SEPTIN10: variants seen among roughly 807,000 people sequenced by gnomAD.
SEPTIN10 encodes the protein septin-10.
In SEPTIN10, 66 loss-of-function variants were observed where a neutral mutation model predicts 54.8. The observed-to-expected ratio is 1.21, with a 90% CI of 0.99 to 1.48. The LOEUF is 1.48. Ranked by LOEUF, SEPTIN10 falls within the 40% of genes most tolerant of loss-of-function variation. The pLI, the probability that SEPTIN10 is intolerant of heterozygous loss-of-function variation, is 0.00. For synonymous variants in SEPTIN10, 161 were observed against 181.0 expected, an observed-to-expected ratio of 0.89 and a Z score of 0.89; for missense variants, 620 against 545.6, an observed-to-expected ratio of 1.14 and a Z score of -1.36.
intron 5 of SEPTIN10, among the ~76,000 whole-genome samples, chr2:109,570,245 T>C (rs941302625): frequency 6.6e-6 from 1 of 152,186 alleles, no homozygotes; most frequent in African/African-American, 2.4e-5. Context: ...TGACCATCTT[T>C]AAATGAGTGC....
chr2:109,559,952 GCT>G (rs1480933855), intron 8 of SEPTIN10, among the ~76,000 whole-genome samples: 1 of 125,412 alleles, frequency 8.0e-6, no homozygotes, highest in Non-Finnish European at 1.6e-5. Flanking sequence ...ATGGGGTCTC[GCT>G]CTGTCACCCA....
At chr2:109,607,279 G>C (rs562680291) in intron 1 of SEPTIN10, among the ~76,000 whole-genome samples, 17 of 152,256 alleles carry the variant, frequency 1.1e-4, no homozygotes, top group African/African-American at 4.1e-4. Context: ...AAGGTCCTGA[G>C]TAAGTTCTTG....
intron 2 of SEPTIN10, among the ~76,000 whole-genome samples, chr2:109,590,021 T>TAC (rs1321963556): frequency 3.3e-5 from 5 of 150,018 alleles, no homozygotes; most frequent in Admixed American, 6.7e-5. Context: ...TATATATATA[T>TAC]ACACACACAT....
chr2:109,558,606 T>C (rs1684920256), intron 8 of SEPTIN10, among the ~76,000 whole-genome samples: 1 of 152,194 alleles, frequency 6.6e-6, no homozygotes, highest in South Asian at 2.1e-4. Context: ...TATAGTGCTA[T>C]TTACGTGGGC....
chr2:109,589,293 G>C (rs1280963448), intron 2 of SEPTIN10, among the ~76,000 whole-genome samples: 1 of 152,084 alleles, frequency 6.6e-6, no homozygotes, highest in African/African-American at 2.4e-5. Flanking sequence ...AGCACTTTAG[G>C]AGGCCAAGGC....
At chr2:109,613,145 C>G in intron 1 of SEPTIN10, 2 of 1,286,626 alleles carry the variant, frequency 1.6e-6, no homozygotes, top group Non-Finnish European at 2.0e-6. Context: ...TGTACACGAC[C>G]TTGGTACTAT....
chr2:109,570,706 T>A (rs1378516776), intron 5 of SEPTIN10, among the ~76,000 whole-genome samples: 2 of 151,806 alleles, frequency 1.3e-5, no homozygotes, highest in Admixed American at 1.3e-4. Context: ...GTATTTTTAG[T>A]AGAGATGGGG....
chr2:109,574,697 G>T lies in SEPTIN10; in HGVS notation c.484C>A (p.Arg162Ser). 1 of 1,608,388 alleles carries T rather than the reference G, an allele frequency of 6.2e-7. No individual in the cohort carries two copies. The highest frequency in any genetic ancestry group is 1.7e-5 in the Admixed American group (1 of 59,194). Reference sequence around the variant, plus strand: ...GAATCATGGTAGGTAAAGAGAGAACGCTTAATCTTCAGTTCTTCTTGGAGA... The same window carrying T: ...GAATCATGGTAGGTAAAGAGAGAACTCTTAATCTTCAGTTCTTCTTGGAGA... ...AYLQEELKIK[R>S]SLFTYHDSRI... is the part of the protein sequence containing the mutation. Residue 162 changes from arginine to serine, a missense_variant, in exon 5 of 11, where the codon CGT becomes AGT. Physicochemically the swap from Arg to Ser is moderately radical, Grantham distance 110. Transcript: ENST00000397712.
intron 1 of SEPTIN10, among the ~76,000 whole-genome samples, chr2:109,598,508 G>A (rs894203277): frequency 2.0e-5 from 3 of 152,066 alleles, no homozygotes; most frequent in Admixed American, 6.6e-5. Flanking sequence ...TAATGTGAGC[G>A]AGAGCGAGAG....
At chr2:109,546,586 A>G (rs1319171395) in intron 9 of SEPTIN10, among the ~76,000 whole-genome samples, 1 of 152,206 alleles carries the variant, frequency 6.6e-6, no homozygotes, top group Non-Finnish European at 1.5e-5. Context: ...TAAGAGATGC[A>G]AAGTATAGAA....
intron 4 of SEPTIN10, among the ~76,000 whole-genome samples, chr2:109,577,702 C>G (rs934919288): frequency 5.9e-5 from 9 of 151,600 alleles, no homozygotes; most frequent in Non-Finnish European, 1.2e-4. Flanking sequence ...CGCTTGAGGC[C>G]AGGAGTTTGA....
In SEPTIN10 at chr2:109,585,282, A is replaced by G. The variant is rs1355045330; in HGVS notation, c.257T>C (p.Leu86Ser). Residue 86 changes from leucine (L) to serine (S), a missense_variant, in exon 4 of 11, where the codon TTG (leucine) becomes TCG (serine). By Grantham distance (145) the Leu-to-Ser change is moderately radical (BLOSUM62 -2). Coordinates refer to ENST00000397712, the MANE Select transcript of SEPTIN10 (RefSeq NM_144710.5). The stretch of plus-strand genomic sequence containing the variant: ...ATAGTCTTCAAAATTAGTATTAAAC[A>G]ATGTGTCAATCAGTGTTGATTTTCC... ...GIGKSTLIDT[L>S]FNTNFEDYES... 6.2e-7 allele frequency: 1 copy of G among 1,610,484 alleles called. No individual in the cohort carries two copies. Among genetic ancestry groups the G allele is most frequent in the Admixed American group, 1.7e-5 (1 of 59,398 alleles).
At chr2:109,584,374 C>T (rs2105756956) in intron 4 of SEPTIN10, among the ~76,000 whole-genome samples, 1 of 147,028 alleles carries the variant, frequency 6.8e-6, no homozygotes, top group East Asian at 2.0e-4. Flanking sequence ...ACTCGGGAGG[C>T]TGAGGCAGGA....
intron 5 of SEPTIN10, among the ~76,000 whole-genome samples, chr2:109,572,989 G>T (rs569705516): frequency 6.6e-6 from 1 of 152,166 alleles, no homozygotes; most frequent in South Asian, 2.1e-4. Flanking sequence ...AAAAAATAAA[G>T]AATATATTTA....
chr2:109,580,347 TG>T (rs1690811376), intron 4 of SEPTIN10, among the ~76,000 whole-genome samples: 1 of 74,462 alleles, frequency 1.3e-5, no homozygotes, highest in Non-Finnish European at 3.1e-5. Context: ...CTCCATAAAA[TG>T]CAAAAAAAAA....
At chr2:109,605,809 G>A (rs529345336) in intron 1 of SEPTIN10, 9 of 152,248 alleles carry the variant, frequency 5.9e-5, no homozygotes, top group African/African-American at 2.2e-4. Context: ...TATGTGACAA[G>A]CAGCCTATCT....
chr2:109,578,370 G>A (rs1052843869), intron 4 of SEPTIN10, among the ~76,000 whole-genome samples: 4 of 152,184 alleles, frequency 2.6e-5, no homozygotes, highest in African/African-American at 7.2e-5. Context: ...GAAAGCTGCA[G>A]ACAATACTGA....
rs1382150587 is a variant in SEPTIN10, at chr2:109,585,269, A to C, written c.270T>G (p.Asn90Lys). 8.7e-6 allele frequency: 14 copies of C among 1,612,616 alleles called. No homozygotes were observed. Among genetic ancestry groups the C allele is most frequent in the Non-Finnish European group, 1.1e-5 (13 of 1,179,440 alleles). Residue 90 changes from asparagine to lysine, a missense_variant, in exon 4 of 11, where the codon AAT (asparagine) becomes AAG (lysine). Asn to Lys is a moderately conservative substitution (Grantham distance 94, BLOSUM62 0). Transcript: ENST00000397712. ...AATGTGAGGATTCATAGTCTTCAAAATTAGTATTAAACAATGTGTCAATCA... is the reference window on the plus strand; with the variant it reads ...AATGTGAGGATTCATAGTCTTCAAACTTAGTATTAAACAATGTGTCAATCA... ...STLIDTLFNT[N>K]FEDYESSHFC...
chr2:109,607,888 T>C (rs766787874), intron 1 of SEPTIN10, among the ~76,000 whole-genome samples: 36 of 152,184 alleles, frequency 2.4e-4, no homozygotes, highest in Admixed American at 1.1e-3. Flanking sequence ...TCTATACTTT[T>C]ATAAGACGAC....
Sources: allele counts gnomAD v4.1 joint callset (sites outside exome capture counted in the v4.1 genomes callset), GRCh38; gene constraint gnomAD v4.1.1; transcripts MANE v1.5; gene names NCBI Gene and HGNC (gene_info 2026-07-23, HGNC 2026-07-21).